The following CACNA1D variants were observed in gnomAD, a reference collection of about 807,000 sequenced individuals.
CACNA1D encodes the protein calcium voltage-gated channel subunit alpha1 D, also known as voltage-dependent L-type calcium channel subunit alpha-1D.
CACNA1D carries 55 observed loss-of-function variants against 257.1 expected under a neutral mutation model. The observed-to-expected ratio is 0.21, with a 90% confidence interval of 0.17 to 0.27. CACNA1D has a LOEUF of 0.27. CACNA1D is among the 10% of genes least tolerant of loss of function. CACNA1D has a pLI of 1.00. For synonymous variants in CACNA1D, 980 were observed against 1,014.9 expected (o/e 0.97, Z 0.65); for missense variants, 1,876 against 2,784.0 (o/e 0.67, Z 7.34).
chr3:53,572,422 T>G (rs2092963904), intron 3 of CACNA1D, among the ~76,000 whole-genome samples: 1 of 151,858 alleles, frequency 6.6e-6, no homozygotes, highest in Non-Finnish European at 1.5e-5. Context: ...GTTTTAGAGA[T>G]TGGGTCTCAT....
chr3:53,561,780 T>G (rs574112379), intron 3 of CACNA1D, among the ~76,000 whole-genome samples: 1 of 152,354 alleles, frequency 6.6e-6, no homozygotes, highest in South Asian at 2.1e-4. Context: ...GATGAAGTAC[T>G]GGTATACCTC....
intron 3 of CACNA1D, among the ~76,000 whole-genome samples, chr3:53,548,354 T>G (rs1575826206): frequency 1.1e-5 from 1 of 91,290 alleles, no homozygotes; most frequent in Admixed American, 9.6e-5. Flanking sequence ...CAACAAAGCT[T>G]TTTTTTTTTT....
intron 8 of CACNA1D, among the ~76,000 whole-genome samples, chr3:53,694,738 T>C (rs2108545085): frequency 6.6e-6 from 1 of 152,302 alleles, no homozygotes; most frequent in East Asian, 1.9e-4. Context: ...GAAGGGGACA[T>C]GGCAGAGACT....
intron 9 of CACNA1D, among the ~76,000 whole-genome samples, chr3:53,707,341 A>C (rs1484372249): frequency 4.6e-5 from 7 of 152,058 alleles, no homozygotes; most frequent in Admixed American, 3.9e-4. Flanking sequence ...TCTAATGTGA[A>C]GCTAGGGTTC....
rs3774521 is a variant in CACNA1D, at chr3:53,664,207, C to T, written c.767-1453C>T. Among the ~76,000 whole-genome samples, 641 of 152,342 alleles carry T rather than the reference C, an allele frequency of 4.2e-3. 24 individuals carry two copies. In the East Asian group the frequency reaches 0.085, roughly 20 times the overall value. ...AACCTCCCCCTTCCCCTCCCACCTCCCTCATTCCTGGAGAACCTCCCTTTG... is the reference window on the plus strand; with the variant it reads ...AACCTCCCCCTTCCCCTCCCACCTCTCTCATTCCTGGAGAACCTCCCTTTG... On this transcript the variant is annotated intron_variant, in intron 5 of 47. Coordinates refer to ENST00000350061, the MANE Select transcript of CACNA1D (RefSeq NM_001128840.3).
chr3:53,598,086 C>A (rs729839), intron 3 of CACNA1D, among the ~76,000 whole-genome samples: 33,010 of 152,014 alleles, frequency 0.22, 4,580 homozygotes, highest in African/African-American at 0.39. Context: ...CTAAAATGTG[C>A]TTCTCTCTCC....
At chr3:53,545,918 CCTT>C (rs1243967268) in intron 3 of CACNA1D, among the ~76,000 whole-genome samples, 1 of 152,072 alleles carries the variant, frequency 6.6e-6, no homozygotes, top group Non-Finnish European at 1.5e-5. Context: ...CTTCATGCAC[CCTT>C]CTTATAAAGC....
intron 5 of CACNA1D, among the ~76,000 whole-genome samples, chr3:53,663,886 C>G (rs1250890094): frequency 6.6e-6 from 1 of 152,098 alleles, no homozygotes; most frequent in African/African-American, 2.4e-5. Flanking sequence ...CCACCTCAGT[C>G]TCCCGAGTAG....
chr3:53,650,816 T>G lies in CACNA1D; in HGVS notation c.521T>G (p.Val174Gly). The change falls in exon 4 of 48, where the codon GTC becomes GGC. Residue 174 changes from valine (V) to glycine (G), a missense_variant. Around this residue, in one of 10 missense-constraint regions of CACNA1D, gnomAD observed 188 missense variants for 390.4 expected, o/e 0.48. Transcript: ENST00000350061. The part of the protein sequence containing the change: ...VEYAFLIIFT[V>G]ETFLKIIAYG... The stretch of plus-strand genomic sequence containing the variant: ...TATGCCTTCCTGATTATTTTTACAG[T>G]CGAGACATTTTTGAAGATTATAGCG... 6.2e-7 allele frequency: 1 copy of G among 1,613,882 alleles called. No homozygotes were observed.
At chr3:53,669,291 A>G (rs1013336267) in intron 7 of CACNA1D, among the ~76,000 whole-genome samples, 1 of 152,256 alleles carries the variant, frequency 6.6e-6, no homozygotes, top group Non-Finnish European at 1.5e-5. Context: ...CCTGCCCAGC[A>G]TGGTGCCTGG....
intron 3 of CACNA1D, among the ~76,000 whole-genome samples, chr3:53,574,594 G>A (rs887909128): frequency 2.0e-5 from 3 of 152,210 alleles, no homozygotes; most frequent in African/African-American, 4.8e-5. Context: ...TCTACGAGAA[G>A]TCCATCCTTG....
intron 25 of CACNA1D, among the ~76,000 whole-genome samples, chr3:53,747,032 G>A (rs532395160): frequency 3.9e-5 from 6 of 152,182 alleles, no homozygotes; most frequent in East Asian, 3.9e-4. Flanking sequence ...GGTTTTTATC[G>A]GCCAACGACG....
rs1174107233 is a variant in CACNA1D at position 53,591,603 on chromosome 3, C to G, written c.484-59176C>G. ...CACAAACATCCTTCAGGATATGTCTCCGGACTCTGAGCCTGTGTGTTGCTC... is the reference window on the plus strand; with the variant it reads ...CACAAACATCCTTCAGGATATGTCTGCGGACTCTGAGCCTGTGTGTTGCTC... On this transcript the variant is annotated intron_variant, in intron 3 of 47. Coordinates refer to ENST00000350061, the MANE Select transcript of CACNA1D (RefSeq NM_001128840.3). Among the ~76,000 whole-genome samples, 56 of 152,176 alleles carry G rather than the reference C, an allele frequency of 3.7e-4. 1 individual carries two copies. The highest frequency in any genetic ancestry group is 3.7e-3 in the Admixed American group (56 of 15,274).
chr3:53,617,509 A>T (rs935200175), intron 3 of CACNA1D, among the ~76,000 whole-genome samples: 2 of 152,170 alleles, frequency 1.3e-5, no homozygotes, highest in Non-Finnish European at 2.9e-5. Context: ...CAATTAAGTG[A>T]CGCATTGCCT....
intron 47 of CACNA1D, among the ~76,000 whole-genome samples, chr3:53,810,862 C>G (rs985706470): frequency 8.1e-5 from 12 of 148,158 alleles, no homozygotes; most frequent in Admixed American, 1.3e-4. Context: ...GCATATGTTT[C>G]TAGTTTATAC....
intron 40 of CACNA1D, among the ~76,000 whole-genome samples, chr3:53,794,618 C>A (rs1242368006): frequency 1.3e-5 from 2 of 152,108 alleles, no homozygotes; most frequent in East Asian, 3.9e-4. Context: ...GGTCTTCGGA[C>A]CCTTTTATAC....
At chr3:53,517,936 A>G (rs1228626443) in intron 3 of CACNA1D, among the ~76,000 whole-genome samples, 1 of 152,222 alleles carries the variant, frequency 6.6e-6, no homozygotes, top group Non-Finnish European at 1.5e-5. Context: ...AGCAAATGTT[A>G]TTTCCTAGTT....
intron 19 of CACNA1D, among the ~76,000 whole-genome samples, chr3:53,733,987 CATAT>C (rs2095029657): frequency 1.8e-5 from 2 of 112,530 alleles, no homozygotes; most frequent in Admixed American, 9.6e-5. Flanking sequence ...TATATATATA[CATAT>C]ACATATACAT....
chr3:53,568,255 T>C (rs960663268), intron 3 of CACNA1D, among the ~76,000 whole-genome samples: 2 of 152,196 alleles, frequency 1.3e-5, no homozygotes, highest in African/African-American at 4.8e-5. Context: ...TCAGCTACGA[T>C]GACTGGTATT....
Sources: allele counts gnomAD v4.1 joint callset (sites outside exome capture counted in the v4.1 genomes callset), GRCh38; gene constraint gnomAD v4.1.1; regional missense constraint gnomAD v4.1.1; transcripts MANE v1.5; gene names NCBI Gene and HGNC (gene_info 2026-07-23, HGNC 2026-07-21).